The following TBCD variants were observed in gnomAD, a reference collection of about 807,000 sequenced individuals.
The protein encoded by TBCD is tubulin-specific chaperone D.
In TBCD, 105 loss-of-function variants were observed where a neutral mutation model predicts 169.3. That is an observed-to-expected ratio of 0.62 (90% CI 0.53 to 0.73). TBCD has a LOEUF of 0.73. Among genes scored for constraint, TBCD ranks in the 30% least tolerant of loss-of-function variants. The pLI is 0.00. For missense variants in TBCD, 1,444 were observed against 1,600.1 expected (o/e 0.90, Z 1.66); for synonymous variants, 700 against 643.9 (o/e 1.09, Z -1.32).
In TBCD at chr17:82,831,201, G is replaced by A. The variant is rs564314163; in HGVS notation, c.1318+16267G>A. The stretch of plus-strand genomic sequence containing the variant: ...AGGTCTGGCTCGTCTGCATGAAGTC[G>A]GTGGGGCTCGGCCTCCCTGGGGAGC... On this transcript the variant is annotated intron_variant, in intron 13 of 38. Transcript: ENST00000355528. This position sits in a 1 kb window ranked among gnomAD's most constrained non-coding sequence, Gnocchi z 4.6. 3.7e-6 allele frequency: 6 copies of A among 1,614,104 alleles called. No homozygotes were observed. Among genetic ancestry groups the A allele is most frequent in the Admixed American group, 1.7e-5 (1 of 60,018 alleles).
intron 14 of TBCD, among the ~76,000 whole-genome samples, chr17:82,878,109 T>C (rs1157980322): frequency 6.6e-6 from 1 of 152,196 alleles, no homozygotes; most frequent in African/African-American, 2.4e-5. Flanking sequence ...ACATCTCACA[T>C]TTGGAAGCCA....
Position 82,875,436 on chromosome 17 carries a change from C to CGCTGCT in TBCD, c.1475+5065_1475+5070dup, listed in dbSNP as rs550330350. 3.8e-3 allele frequency among the ~76,000 whole-genome samples: 586 copies of CGCTGCT among 152,334 alleles called. 4 individuals carry two copies. Among genetic ancestry groups the CGCTGCT allele is most frequent in the Non-Finnish European group, 5.6e-3 (380 of 68,022 alleles). ...AGAAGGAAAAGAAAGCCGAGCCCTA[C>CGCTGCT]GCTGCTGCTGCTGCCATTGTGTGTC... On this transcript the variant is annotated intron_variant, in intron 14 of 38. Coordinates refer to ENST00000355528, the MANE Select transcript of TBCD (RefSeq NM_005993.5).
At chr17:82,808,914 G>A (rs530252657) in intron 11 of TBCD, among the ~76,000 whole-genome samples, 6 of 151,586 alleles carry the variant, frequency 4.0e-5, no homozygotes, top group African/African-American at 1.5e-4. Context: ...CAGGTGGAGG[G>A]GATAAGGCAG....
chr17:82,900,486 C>T (rs1182518807), intron 17 of TBCD, 165 bp from the exon 18 acceptor site: 1 of 615,654 alleles, frequency 1.6e-6, no homozygotes, highest in Non-Finnish European at 2.9e-6. Context: ...TGCACAGATG[C>T]TCTTTTCTTT....
intron 13 of TBCD, among the ~76,000 whole-genome samples, chr17:82,852,540 C>T (rs1010302169): frequency 2.6e-5 from 4 of 152,262 alleles, no homozygotes; most frequent in Admixed American, 6.5e-5. Context: ...GCGTGCTCGC[C>T]GTTCGGTCTG....
In TBCD at chr17:82,832,500, A is replaced by C; in HGVS notation, c.1318+17566A>C. 1 of 1,560,778 alleles carries C rather than the reference A, an allele frequency of 6.4e-7. No homozygotes were observed. The highest frequency in any genetic ancestry group is 8.7e-7 in the Non-Finnish European group (1 of 1,142,894). ...CTCTGGCTGTCCAGGTGGCGTGATC[A>C]CTGTCGACGCCGCGTGCACTTCGTG... On this transcript the variant is annotated intron_variant, in intron 13 of 38. Coordinates refer to ENST00000355528, the MANE Select transcript of TBCD (RefSeq NM_005993.5). The surrounding 1 kb of genome is among the most constrained non-coding windows in gnomAD (Gnocchi z 4.9).
chr17:82,850,030 GTGC>G (rs2055558504), intron 13 of TBCD, among the ~76,000 whole-genome samples: 1 of 106,962 alleles, frequency 9.3e-6, no homozygotes, highest in African/African-American at 3.4e-5. Flanking sequence ...GTTGTTGGCT[GTGC>G]TGTTGTTGGC....
chr17:82,942,215 G>A (rs2063365084), intron 38 of TBCD: 2 of 593,932 alleles, frequency 3.4e-6, no homozygotes, highest in African/African-American at 1.9e-5. Context: ...TAAGAGCAGT[G>A]CAGTGAACCT....
chr17:82,919,131 G>GA (rs904506631), intron 23 of TBCD, among the ~76,000 whole-genome samples: 2 of 56,240 alleles, frequency 3.6e-5, no homozygotes, highest in African/African-American at 2.1e-4. Context: ...GTAGTTTACG[G>GA]GGGGGGCCCA....
intron 2 of TBCD, among the ~76,000 whole-genome samples, chr17:82,758,069 T>C (rs2047499217): frequency 6.6e-6 from 1 of 152,082 alleles, no homozygotes; most frequent in Non-Finnish European, 1.5e-5. Context: ...TGCGAATGAT[T>C]TTTAGAGTTA....
At chr17:82,786,301 AG>A (rs1174231430) in intron 7 of TBCD, among the ~76,000 whole-genome samples, 2 of 152,154 alleles carry the variant, frequency 1.3e-5, no homozygotes, top group Non-Finnish European at 2.9e-5. Flanking sequence ...AAAACATCTC[AG>A]GTCAGGGGAG....
chr17:82,883,414 G>A (rs972493288), intron 14 of TBCD, among the ~76,000 whole-genome samples: 2 of 152,248 alleles, frequency 1.3e-5, no homozygotes, highest in Admixed American at 1.3e-4. Flanking sequence ...AGCGTTCTGG[G>A]TTATTCACAG....
chr17:82,853,631 C>G (rs1363048636), intron 13 of TBCD, among the ~76,000 whole-genome samples: 1 of 152,038 alleles, frequency 6.6e-6, no homozygotes, highest in Non-Finnish European at 1.5e-5. Context: ...TCTTGAACTC[C>G]TCGCCTCAAA....
intron 22 of TBCD, among the ~76,000 whole-genome samples, chr17:82,910,950 C>T (rs1027666487): frequency 2.0e-5 from 3 of 152,208 alleles, no homozygotes; most frequent in Non-Finnish European, 4.4e-5. Context: ...GCCTCCCTTT[C>T]TGCCTCCTAG....
intron 13 of TBCD, among the ~76,000 whole-genome samples, chr17:82,852,506 G>A (rs1163040229): frequency 1.3e-5 from 2 of 152,110 alleles, no homozygotes; most frequent in Admixed American, 1.3e-4. Flanking sequence ...GTTTTCCTGG[G>A]CCTGCAGGCG....
chr17:82,830,415 C>G lies in TBCD; in HGVS notation c.1318+15481C>G, dbSNP rs373278721. 3.4e-5 allele frequency: 55 copies of G among 1,611,664 alleles called. No homozygotes were observed. The African/African-American group carries it at 4.5e-4, about 13-fold the overall frequency. On this transcript the variant is annotated intron_variant, in intron 13 of 38. Coordinates refer to ENST00000355528, the MANE Select transcript of TBCD (RefSeq NM_005993.5). ...CCAGCTGGCACAGGGCCACGGCTGC[C>G]GTCTGCTTCTGCTCCTCGCTGCTGT...
intron 7 of TBCD, among the ~76,000 whole-genome samples, chr17:82,793,174 C>G (rs2049868604): frequency 6.6e-6 from 1 of 152,202 alleles, no homozygotes; most frequent in South Asian, 2.1e-4. Flanking sequence ...TGATTCTAAT[C>G]AGTCATTTAC....
chr17:82,887,131 C>CTCTG (rs1555632222), intron 15 of TBCD, among the ~76,000 whole-genome samples: 157 of 123,446 alleles, frequency 1.3e-3, no homozygotes, highest in Non-Finnish European at 1.5e-3. Flanking sequence ...TACCTGTACT[C>CTCTG]TGTGTGTGTG....
intron 32 of TBCD, 27 bp downstream of exon 32, chr17:82,929,527 C>A (rs2062027968): frequency 6.2e-7 from 1 of 1,600,416 alleles, no homozygotes; most frequent in Admixed American, 1.7e-5. Context: ...CTGGCTGGGG[C>A]AGGAGGTGGC....
Sources: gnomAD v4.1 joint callset for allele counts (sites outside exome capture counted in the v4.1 genomes callset) on GRCh38, gnomAD v4.1.1 for gene constraint, Gnocchi (gnomAD v3.1) non-coding constraint, MANE v1.5 for transcripts, NCBI Gene and HGNC (gene_info 2026-07-23, HGNC 2026-07-21) for gene names.